The following ARSF variants were observed in gnomAD, a reference collection of about 807,000 sequenced individuals.
ARSF encodes arylsulfatase F.
ARSF carries 33 observed loss-of-function variants against 35.4 expected under a neutral mutation model. That is an observed-to-expected ratio of 0.93 (90% CI 0.71 to 1.25). The LOEUF is 1.25. Ranked by LOEUF, ARSF falls within the 50% of genes most tolerant of loss-of-function variation. The pLI is 0.00. For synonymous variants in ARSF, 222 were observed against 193.1 expected, an observed-to-expected ratio of 1.15 and a Z score of -1.24; for missense variants, 501 against 480.2, an observed-to-expected ratio of 1.04 and a Z score of -0.40.
intron 9 of ARSF, 132 bp downstream of exon 9, chrX:3,104,056 T>A (rs781630411): frequency 1.6e-6 from 1 of 621,988 alleles, no homozygotes; most frequent in Admixed American, 3.7e-5. Context: ...TTTACCTTCC[T>A]ATATGACTGT....
chrX:3,085,936 G>A (rs1016921683), intron 6 of ARSF, among the ~76,000 whole-genome samples: 6 of 110,810 alleles, frequency 5.4e-5, no homozygotes, highest in Admixed American at 3.9e-4. Context: ...CAGGAGAATC[G>A]CTTGAATCCG....
chrX:3,065,636 C>CCAAA (rs1460210682), intron 1 of ARSF, among the ~76,000 whole-genome samples: 2 of 68,015 alleles, frequency 2.9e-5, no homozygotes, highest in African/African-American at 1.0e-4. Context: ...GACTCTGTCT[C>CCAAA]AAAAAAAAAA....
In ARSF at chrX:3,103,821, C is replaced by T. The variant is rs779687729; in HGVS notation, c.1162C>T (p.Pro388Ser). Residue 388 changes from proline to serine, a missense_variant, in exon 9 of 11, where the codon CCT becomes TCT. By Grantham distance (74) the Pro-to-Ser change is moderately conservative. Coordinates refer to ENST00000381127, the MANE Select transcript of ARSF (RefSeq NM_001201539.2). ...GIRVPGIVRW[P>S]GKVPAGRLIK... ...CCGCGTCCCAGGAATTGTCCGATGG[C>T]CTGGAAAGGTACCAGCTGGACGGTT... The T allele has an allele frequency of 1.7e-6, 2 of 1,209,695 alleles. No individual in the cohort carries two copies. The highest frequency in any genetic ancestry group is 2.2e-6 in the Non-Finnish European group (2 of 895,022).
intron 7 of ARSF, among the ~76,000 whole-genome samples, chrX:3,100,193 G>A (rs901186788): frequency 1.8e-5 from 2 of 112,136 alleles, no homozygotes; most frequent in African/African-American, 6.5e-5. Context: ...AAATAAGAAG[G>A]GAAGGGAAAA....
intron 6 of ARSF, among the ~76,000 whole-genome samples, chrX:3,086,253 A>C (rs1447259148): frequency 8.9e-6 from 1 of 112,177 alleles, no homozygotes; most frequent in East Asian, 2.8e-4. Flanking sequence ...GTCTTCAAAC[A>C]TTCCCACACA....
Position 3,112,300 on chromosome X carries a change from T to G in ARSF, c.1517T>G (p.Leu506Arg). The stretch of plus-strand genomic sequence containing the variant: ...GTTACCTACCACAACCCCCCTCTGC[T>G]CTTCGATCTCTCCAGGGACCCCTCA... Reference protein sequence around the residue: ...EQVTYHNPPLLFDLSRDPSES... With the variant: ...EQVTYHNPPLRFDLSRDPSES... Residue 506 changes from leucine to arginine, a missense_variant, in exon 11 of 11, where the codon CTC (leucine) becomes CGC (arginine). Transcript: ENST00000381127. The G allele has an allele frequency of 1.7e-6, 2 of 1,210,804 alleles. No individual in the cohort carries two copies. Among genetic ancestry groups the G allele is most frequent in the South Asian group, 3.5e-5 (2 of 56,893 alleles).
Position 3,093,168 on chromosome X carries a change from AG to A in ARSF, c.967+3537del, listed in dbSNP as rs769195542. ...CAACGGAGCGAGACTCCGTCTCAAAAGAAAAAAAAATTATCATGGGTTTCCC... is the reference window on the plus strand; with the variant it reads ...CAACGGAGCGAGACTCCGTCTCAAAAAAAAAAAAATTATCATGGGTTTCCC... On this transcript the variant is annotated intron_variant, in intron 7 of 10. Coordinates refer to ENST00000381127, the MANE Select transcript of ARSF (RefSeq NM_001201539.2). Among the ~76,000 whole-genome samples the A allele has an allele frequency of 2.3e-4, 26 of 112,214 alleles. No individual in the cohort carries two copies. In the East Asian group the frequency reaches 3.4e-3, roughly 15 times the overall value.
rs867577161 is a variant in ARSF at position 3,080,914 on chromosome X, C to T, written c.307C>T (p.Arg103Cys). Reference sequence around the variant, plus strand: ...AGGTATGGTTTCTAGTGGTAATAGACGTGTCATCCAAAATCTTGCAGTCCC... The same window carrying T: ...AGGTATGGTTTCTAGTGGTAATAGATGTGTCATCCAAAATCTTGCAGTCCC... The part of the protein sequence containing the change: ...RSGMVSSGNR[R>C]VIQNLAVPAG... Residue 103 changes from arginine (R) to cysteine (C), a missense_variant, in exon 5 of 11, where the codon CGT (arginine) becomes TGT (cysteine). Coordinates refer to ENST00000381127, the MANE Select transcript of ARSF (RefSeq NM_001201539.2). 4.1e-6 allele frequency: 5 copies of T among 1,209,575 alleles called. No individual in the cohort carries two copies. Among genetic ancestry groups the T allele is most frequent in the African/African-American group, 1.7e-5 (1 of 57,158 alleles).
chrX:3,045,771 TCTCAAA>T (rs2089972246), intron 1 of ARSF, among the ~76,000 whole-genome samples: 1 of 110,465 alleles, frequency 9.1e-6, no homozygotes, highest in Non-Finnish European at 1.9e-5. Context: ...GTCAGGCTGG[TCTCAAA>T]CTCCTGACCT....
At position 3,110,249 on chromosome X, in the gene ARSF, G is replaced by A. The variant is rs1383187608; in HGVS notation, c.1387G>A (p.Asp463Asn). ...CGCCGTGCGGTGGATCCCCAAGGAC[G>A]ACAGTGAGTGCTCAACCCGTTGCTT... ...LHAVRWIPKD[D>N]SGSVWKAHYV... Residue 463 changes from aspartate to asparagine, a missense_variant, in exon 10 of 11, where the codon GAC (aspartate) becomes AAC (asparagine). Physicochemically the swap from Asp to Asn is conservative, Grantham distance 23. Coordinates refer to ENST00000381127, the MANE Select transcript of ARSF (RefSeq NM_001201539.2). The A allele has an allele frequency of 1.7e-6, 2 of 1,170,821 alleles. No homozygotes were observed. Among genetic ancestry groups the A allele is most frequent in the East Asian group, 3.1e-5 (1 of 32,688 alleles).
At chrX:3,046,152 C>T (rs901130646) in intron 1 of ARSF, among the ~76,000 whole-genome samples, 2 of 111,798 alleles carry the variant, frequency 1.8e-5, no homozygotes, top group Non-Finnish European at 3.8e-5. Context: ...TCCCAGAGTG[C>T]TGAGATTACA....
chrX:3,090,931 G>A (rs2090284919), intron 7 of ARSF, among the ~76,000 whole-genome samples: 1 of 106,615 alleles, frequency 9.4e-6, no homozygotes, highest in South Asian at 4.1e-4. Flanking sequence ...TTTTTTTTGA[G>A]ACAAGATCTC....
chrX:3,071,977 A>G, intron 2 of ARSF, 49 bp from the exon 3 acceptor site: 1 of 1,194,205 alleles, frequency 8.4e-7, no homozygotes, highest in Non-Finnish European at 1.1e-6. Flanking sequence ...TGGATCCTGA[A>G]TCCACCCAGA....
intron 7 of ARSF, among the ~76,000 whole-genome samples, chrX:3,091,758 G>A (rs767413427): frequency 8.9e-6 from 1 of 111,872 alleles, no homozygotes; most frequent in South Asian, 3.7e-4. Flanking sequence ...ATGATTGACA[G>A]AGATAGATGA....
At chrX:3,084,158 G>A (rs777475841) in intron 5 of ARSF, 85 bp from the exon 6 acceptor site, 65 of 1,025,285 alleles carry the variant, frequency 6.3e-5, no homozygotes, top group Admixed American at 2.6e-4. Flanking sequence ...ATTGTTTCAC[G>A]TGAAGAATGC....
chrX:3,071,995 G>A, intron 2 of ARSF, 31 bp from the exon 3 acceptor site: 2 of 1,209,059 alleles, frequency 1.7e-6, no homozygotes, highest in African/African-American at 1.7e-5. Flanking sequence ...AGAGAAGCCT[G>A]ATACCAATAA....
intron 1 of ARSF, among the ~76,000 whole-genome samples, chrX:3,047,892 C>T (rs142773272): frequency 0.019 from 2,154 of 111,049 alleles, 47 homozygotes; most frequent in African/African-American, 0.066. Context: ...ATTAGACTTA[C>T]AGTTCCACGT....
In ARSF at chrX:3,076,573, A is replaced by G; in HGVS notation, c.187A>G (p.Arg63Gly). The change falls in exon 4 of 11, where the codon AGG becomes GGG. Residue 63 changes from arginine (R) to glycine (G), a missense_variant. By Grantham distance (125) the Arg-to-Gly change is moderately radical. Coordinates refer to ENST00000381127, the MANE Select transcript of ARSF (RefSeq NM_001201539.2). ...GACGCCTCACATCGACCGCCTTGCC[A>G]GGGAAGGCGTGCGACTGACTCAGCA... ...MRTPHIDRLAREGVRLTQHIS... is the reference protein window; with the variant it reads ...MRTPHIDRLAGEGVRLTQHIS... 1 of 1,207,646 alleles carries G rather than the reference A, an allele frequency of 8.3e-7. No homozygotes were observed. The highest frequency in any genetic ancestry group is 1.1e-6 in the Non-Finnish European group (1 of 893,906).
intron 1 of ARSF, among the ~76,000 whole-genome samples, chrX:3,048,440 C>T (rs2089983852): frequency 8.9e-6 from 1 of 112,107 alleles, no homozygotes; most frequent in Admixed American, 9.5e-5. Context: ...CTTCCTCTGC[C>T]TCATTGCTTA....
Sources: gnomAD v4.1 joint callset for allele counts (sites outside exome capture counted in the v4.1 genomes callset) on GRCh38, gnomAD v4.1.1 for gene constraint, MANE v1.5 for transcripts, NCBI Gene and HGNC (gene_info 2026-07-23, HGNC 2026-07-21) for gene names.